Variants in CEP112 observed in about 807,000 individuals in gnomAD.
CEP112 encodes the protein centrosomal protein 112.
A neutral mutation model predicts 153.0 loss-of-function variants in CEP112; 127 were observed. That is an observed-to-expected ratio of 0.83 (90% confidence interval 0.72 to 0.96). The LOEUF is 0.96. Ranked by LOEUF, CEP112 falls within the 40% of genes least tolerant of loss-of-function variation. The probability of loss-of-function intolerance (pLI) is 0.00; values close to 1 mark genes in which losing one functional copy is unlikely to be tolerated. For missense variants in CEP112, 1,089 were observed against 1,101.2 expected (o/e 0.99, Z 0.16); for synonymous variants, 358 against 374.4 (o/e 0.96, Z 0.51).
intron 19 of CEP112, among the ~76,000 whole-genome samples, chr17:65,905,850 C>T (rs1017601852): frequency 4.6e-5 from 7 of 151,838 alleles, no homozygotes; most frequent in African/African-American, 7.3e-5. Context: ...GAGGCTGACG[C>T]GGGAGAATGG....
At chr17:66,083,647 G>A (rs560598903) in intron 8 of CEP112, among the ~76,000 whole-genome samples, 28 of 152,258 alleles carry the variant, frequency 1.8e-4, no homozygotes, top group African/African-American at 6.3e-4. Context: ...TCAGGAGTTC[G>A]AAACCAGCCC....
intron 6 of CEP112, among the ~76,000 whole-genome samples, chr17:66,111,535 G>A (rs933536277): frequency 6.6e-6 from 1 of 152,162 alleles, no homozygotes; most frequent in African/African-American, 2.4e-5. Context: ...AAAAGGATGA[G>A]ATCATTTCTT....
At chr17:65,937,577 A>G (rs1284245148) in intron 18 of CEP112, among the ~76,000 whole-genome samples, 13 of 73,560 alleles carry the variant, frequency 1.8e-4, no homozygotes, top group East Asian at 3.2e-3. Context: ...GGGGGGGGTC[A>G]GCCCCCCACC....
chr17:65,962,993 G>T (rs1034056087), intron 17 of CEP112, among the ~76,000 whole-genome samples: 5 of 152,134 alleles, frequency 3.3e-5, no homozygotes, highest in African/African-American at 1.2e-4. Flanking sequence ...CAGTAAACCA[G>T]TATAAGAGTG....
chr17:65,901,924 T>C (rs2059864149), intron 20 of CEP112, among the ~76,000 whole-genome samples: 1 of 131,148 alleles, frequency 7.6e-6, no homozygotes, highest in Non-Finnish European at 1.5e-5. Flanking sequence ...TAGCGCGCCA[T>C]GGGATTTTTA....
At chr17:65,956,624 G>T (rs1307487570) in intron 18 of CEP112, among the ~76,000 whole-genome samples, 2 of 151,498 alleles carry the variant, frequency 1.3e-5, no homozygotes, top group African/African-American at 4.9e-5. Flanking sequence ...GACTCAGGGG[G>T]AAGACTTTGG....
At chr17:65,944,816 C>T (rs761309464) in intron 18 of CEP112, among the ~76,000 whole-genome samples, 1 of 152,156 alleles carries the variant, frequency 6.6e-6, no homozygotes, top group African/African-American at 2.4e-5. Flanking sequence ...GACTCCTGGG[C>T]TCAAGTGATC....
chr17:66,149,880 G>GTTTTTTTTTT (rs1568549274), intron 4 of CEP112, among the ~76,000 whole-genome samples: 1 of 60,740 alleles, frequency 1.6e-5, no homozygotes, highest in African/African-American at 6.3e-5. Context: ...TTTTTTTTTT[G>GTTTTTTTTTT]TTTGTTTGTT....
At position 65,869,817 on chromosome 17, in the gene CEP112, C is replaced by T. The variant is rs570051446; in HGVS notation, c.2164-17783G>A. Among the ~76,000 whole-genome samples the T allele has an allele frequency of 4.6e-5, 7 of 152,012 alleles. No homozygotes were observed. The East Asian group carries it at 1.4e-3, about 30-fold the overall frequency. On this transcript the variant is annotated intron_variant, in intron 20 of 26. Coordinates refer to ENST00000535342, the MANE Select transcript of CEP112 (RefSeq NM_001199165.4). ...AGCCAGGATGGTCTCGATCTCCTGA[C>T]CTCGTGATCCACCCGCCTAGGTCTC...
At chr17:65,735,901 A>T (rs2050775902) in intron 23 of CEP112, among the ~76,000 whole-genome samples, 1 of 152,222 alleles carries the variant, frequency 6.6e-6, no homozygotes, top group African/African-American at 2.4e-5. Context: ...GCTGGTTTAG[A>T]TCATAAAGTG....
intron 21 of CEP112, among the ~76,000 whole-genome samples, chr17:65,802,187 A>G (rs1354932834): frequency 1.3e-5 from 2 of 152,180 alleles, no homozygotes; most frequent in Non-Finnish European, 2.9e-5. Flanking sequence ...CCTGCAAACA[A>G]TAAGTCTTCC....
intron 21 of CEP112, among the ~76,000 whole-genome samples, chr17:65,781,722 T>A (rs2054007133): frequency 6.6e-6 from 1 of 152,088 alleles, no homozygotes; most frequent in Non-Finnish European, 1.5e-5. Flanking sequence ...CATCTAATCT[T>A]CAACAAAGTC....
intron 21 of CEP112, chr17:65,826,476 G>A: frequency 6.8e-7 from 1 of 1,471,026 alleles, no homozygotes; most frequent in Non-Finnish European, 8.9e-7. Context: ...CAATCTCTTA[G>A]GTGGGGGTGA....
intron 21 of CEP112, among the ~76,000 whole-genome samples, chr17:65,831,284 G>A (rs4791123): frequency 0.97 from 147,405 of 152,324 alleles, 71,428 homozygotes; most frequent in East Asian, 1. Flanking sequence ...CAGGCCAGGC[G>A]CAGTGGCTCA....
chr17:65,733,200 A>T (rs568228221), intron 23 of CEP112, among the ~76,000 whole-genome samples: 1 of 152,214 alleles, frequency 6.6e-6, no homozygotes, highest in Non-Finnish European at 1.5e-5. Context: ...ATGGAGAGAG[A>T]TGGGGGAATG....
intron 8 of CEP112, among the ~76,000 whole-genome samples, chr17:66,088,176 CT>C (rs960038176): frequency 5.9e-5 from 9 of 151,988 alleles, no homozygotes; most frequent in Non-Finnish European, 7.4e-5. Flanking sequence ...TGGCTAGCCT[CT>C]GTAGCCCCAG....
chr17:65,651,085 C>T (rs2045748922), intron 24 of CEP112, among the ~76,000 whole-genome samples: 2 of 152,100 alleles, frequency 1.3e-5, no homozygotes, highest in Non-Finnish European at 2.9e-5. Flanking sequence ...ATTCCTCGCC[C>T]CCTTCCCACC....
intron 18 of CEP112, among the ~76,000 whole-genome samples, chr17:65,947,997 T>C (rs1049508165): frequency 1.1e-4 from 17 of 152,212 alleles, no homozygotes; most frequent in Admixed American, 6.5e-5. Flanking sequence ...TTTTGTTCTT[T>C]AAGTCTATTT....
intron 24 of CEP112, among the ~76,000 whole-genome samples, chr17:65,679,129 CTTTTTTTTTTTTTTTTTTTTTTTTTTTTT>C (rs57907674): frequency 6.3e-4 from 20 of 31,632 alleles, no homozygotes; most frequent in East Asian, 2.0e-3. Flanking sequence ...GTGGTTCAAG[CTTTTTTTTTTTTTTTTTTTTTTTTTTTTT>C]TTTTTTTTTT....
Sources: gnomAD v4.1 joint callset for allele counts (sites outside exome capture counted in the v4.1 genomes callset) on GRCh38, gnomAD v4.1.1 for gene constraint, MANE v1.5 for transcripts, NCBI Gene and HGNC (gene_info 2026-07-23, HGNC 2026-07-21) for gene names.